Variants in XPO4 observed in about 807,000 individuals in gnomAD.
XPO4 encodes exportin-4.
Under a neutral mutation model 143.0 loss-of-function variants are expected in XPO4, and 39 were observed. The ratio of observed to expected loss-of-function variants is 0.27; its 90% CI spans 0.21 to 0.36. The LOEUF is 0.36. Ranked by LOEUF, XPO4 falls within the 10% of genes least tolerant of loss-of-function variation. The probability of loss-of-function intolerance (pLI) is 1.00; values close to 1 mark genes in which losing one functional copy is unlikely to be tolerated. For synonymous variants in XPO4, 439 were observed against 474.0 expected (o/e 0.93, Z 0.96); for missense variants, 907 against 1,348.0 (o/e 0.67, Z 5.12).
At chr13:20,900,297 T>C (rs1223385887) in intron 1 of XPO4, among the ~76,000 whole-genome samples, 1 of 151,890 alleles carries the variant, frequency 6.6e-6, no homozygotes, top group Non-Finnish European at 1.5e-5. Context: ...GGCAGGAGAA[T>C]CGCTTGAACC....
chr13:20,884,196 A>G (rs952913567), intron 1 of XPO4, among the ~76,000 whole-genome samples: 5 of 152,132 alleles, frequency 3.3e-5, no homozygotes, highest in African/African-American at 4.8e-5. Flanking sequence ...GCAACAAGGC[A>G]GTCTCAAAAA....
At chr13:20,817,452 G>A (rs1188947537) in intron 9 of XPO4, among the ~76,000 whole-genome samples, 1 of 152,086 alleles carries the variant, frequency 6.6e-6, no homozygotes, top group Non-Finnish European at 1.5e-5. Flanking sequence ...TTGTCCTGCT[G>A]GTCTTGAGAT....
At chr13:20,848,631 A>G (rs2060051594) in intron 4 of XPO4, 3 of 985,370 alleles carry the variant, frequency 3.0e-6, no homozygotes, top group Non-Finnish European at 3.6e-6. Context: ...AATGTGTTAC[A>G]CCACTTAAAA....
At chr13:20,843,436 C>T (rs1465180273) in intron 5 of XPO4, among the ~76,000 whole-genome samples, 1 of 152,180 alleles carries the variant, frequency 6.6e-6, no homozygotes, top group Non-Finnish European at 1.5e-5. Flanking sequence ...TTGAAATACA[C>T]GGCCTTCTGG....
At chr13:20,866,469 A>C (rs888151956) in intron 2 of XPO4, 12 of 839,838 alleles carry the variant, frequency 1.4e-5, no homozygotes, top group Admixed American at 1.2e-4. Context: ...CTAAACAAGA[A>C]TGTGAAAATT....
intron 6 of XPO4, among the ~76,000 whole-genome samples, chr13:20,832,746 C>A (rs537466827): frequency 1.2e-4 from 18 of 152,242 alleles, no homozygotes; most frequent in Non-Finnish European, 1.0e-4. Context: ...CAACACAGTC[C>A]AAGCAACCAC....
chr13:20,890,995 T>C (rs2060509835), intron 1 of XPO4, among the ~76,000 whole-genome samples: 2 of 151,470 alleles, frequency 1.3e-5, no homozygotes, highest in African/African-American at 4.9e-5. Flanking sequence ...TGCACGCCTG[T>C]AATCCCAGCT....
intron 4 of XPO4, chr13:20,849,696 A>C (rs762717244): frequency 9.1e-6 from 9 of 984,288 alleles, no homozygotes; most frequent in Non-Finnish European, 1.1e-5. Flanking sequence ...ATCATTTTTT[A>C]CACAAATTAG....
chr13:20,870,104 A>AAAAAAAGAATTG (rs1352783292), intron 1 of XPO4, among the ~76,000 whole-genome samples: 5 of 149,668 alleles, frequency 3.3e-5, no homozygotes, highest in African/African-American at 1.3e-4. Flanking sequence ...AAAAAAAAAA[A>AAAAAAAGAATTG]AAAGAATTGT....
intron 19 of XPO4, among the ~76,000 whole-genome samples, chr13:20,789,358 C>T (rs898743256): frequency 2.2e-4 from 33 of 150,982 alleles, no homozygotes; most frequent in African/African-American, 6.3e-4. Flanking sequence ...TCATTCTTCT[C>T]GTATGTACTC....
intron 18 of XPO4, among the ~76,000 whole-genome samples, chr13:20,794,320 C>T (rs2059327161): frequency 6.7e-6 from 1 of 149,262 alleles, no homozygotes; most frequent in Non-Finnish European, 1.5e-5. Context: ...TGAGTGGGGG[C>T]ATAGAATAAG....
At chr13:20,812,351 GAGGATGA>G (rs2059593131) in intron 9 of XPO4, among the ~76,000 whole-genome samples, 1 of 152,154 alleles carries the variant, frequency 6.6e-6, no homozygotes, top group Non-Finnish European at 1.5e-5. Flanking sequence ...GCAGATCATT[GAGGATGA>G]AGGACTATTC....
At chr13:20,878,025 T>C (rs1566622262) in intron 1 of XPO4, among the ~76,000 whole-genome samples, 1 of 152,166 alleles carries the variant, frequency 6.6e-6, no homozygotes, top group Non-Finnish European at 1.5e-5. Context: ...GGCAAATCTC[T>C]GTCTCTACTA....
chr13:20,799,036 AG>A (rs1763367141), intron 16 of XPO4, 128 bp downstream of exon 16: 4 of 906,880 alleles, frequency 4.4e-6, no homozygotes, highest in East Asian at 5.2e-5. Flanking sequence ...AAAAAAAAAA[AG>A]AAAGAAAGAA....
intron 1 of XPO4, among the ~76,000 whole-genome samples, chr13:20,889,158 T>G (rs2060488588): frequency 7.8e-6 from 1 of 127,914 alleles, no homozygotes; most frequent in Non-Finnish European, 1.9e-5. Context: ...CCACTAGACA[T>G]GAGACTGTTT....
intron 6 of XPO4, among the ~76,000 whole-genome samples, chr13:20,829,702 T>A (rs888289040): frequency 3.3e-5 from 5 of 152,176 alleles, no homozygotes; most frequent in Non-Finnish European, 5.9e-5. Flanking sequence ...AAAAACTCTA[T>A]TCCAAGGAAA....
At chr13:20,838,024 C>T (rs545515729) in intron 6 of XPO4, among the ~76,000 whole-genome samples, 21 of 152,208 alleles carry the variant, frequency 1.4e-4, no homozygotes, top group South Asian at 8.3e-4. Context: ...AGCCATCCAC[C>T]GGCCTTGGCC....
At chr13:20,811,223 C>T (rs2059577782) in intron 9 of XPO4, among the ~76,000 whole-genome samples, 1 of 151,550 alleles carries the variant, frequency 6.6e-6, no homozygotes, top group Non-Finnish European at 1.5e-5. Context: ...GACAAGGACA[C>T]TAGGTTTTCT....
rs1267663744 is a variant in XPO4, at chr13:20,803,771, C to T, written c.1818-2781G>A. Among the ~76,000 whole-genome samples the T allele has an allele frequency of 1.3e-5, 2 of 152,272 alleles. No individual in the cohort carries two copies. Among genetic ancestry groups the T allele is most frequent in the East Asian group, 3.9e-4 (2 of 5,180 alleles). On this transcript the variant is annotated intron_variant, in intron 13 of 22. Coordinates refer to ENST00000255305, the MANE Select transcript of XPO4 (RefSeq NM_022459.5). This position sits in a 1 kb window ranked among gnomAD's most constrained non-coding sequence, Gnocchi z 4.1. ...ACACACCAGCCACACCTAAGTTCTT[C>T]TCACTTGAGCAGGGCTCTCTTACTG...
Sources: gnomAD v4.1 joint callset for allele counts (sites outside exome capture counted in the v4.1 genomes callset) on GRCh38, gnomAD v4.1.1 for gene constraint, Gnocchi (gnomAD v3.1) non-coding constraint, MANE v1.5 for transcripts, NCBI Gene and HGNC (gene_info 2026-07-23, HGNC 2026-07-21) for gene names.